The following CEP164 variants were observed in gnomAD, a reference collection of about 807,000 sequenced individuals.
CEP164 encodes centrosomal protein 164, also known as centrosomal protein of 164 kDa.
A neutral mutation model predicts 182.7 loss-of-function variants in CEP164; 162 were observed. That is an observed-to-expected ratio of 0.89 (90% CI 0.78 to 1.01). The LOEUF (loss-of-function observed/expected upper bound fraction) is 1.01. Among genes scored for constraint, CEP164 ranks in the 50% least tolerant of loss-of-function variants. The pLI is 0.00. For missense variants in CEP164, 1,735 were observed against 1,790.4 expected, an observed-to-expected ratio of 0.97 and a Z score of 0.56; for synonymous variants, 661 against 690.0, an observed-to-expected ratio of 0.96 and a Z score of 0.66.
intron 11 of CEP164, among the ~76,000 whole-genome samples, chr11:117,379,071 C>T (rs2043043217): frequency 6.6e-6 from 1 of 152,116 alleles, no homozygotes; most frequent in African/African-American, 2.4e-5. Flanking sequence ...TGGGGGAAGA[C>T]AAGTTGTGAG....
intron 8 of CEP164, among the ~76,000 whole-genome samples, chr11:117,368,388 G>T (rs2041870977): frequency 6.6e-6 from 1 of 152,220 alleles, no homozygotes; most frequent in Non-Finnish European, 1.5e-5. Flanking sequence ...GGTGAGCCAT[G>T]AGAGGCAGGC....
In CEP164 at chr11:117,395,665, TG is replaced by T; in HGVS notation, c.3034del (p.Glu1012SerfsTer32). Reference protein sequence around the residue: ...LDELQARKLKLESQVDLLQAQ... With the variant: ...LDELQARKLKXESQVDLLQAQ... ...GAGCTGCAGGCCCGCAAGCTGAAGC[TG>T]GAGTCCCAAGTGGATCTGCTGCAGG... On this transcript the variant is annotated frameshift_variant, in exon 24 of 33. Transcript: ENST00000278935. LOFTEE classifies it high-confidence loss of function. 6.2e-7 allele frequency: 1 copy of T among 1,613,554 alleles called. No individual in the cohort carries two copies. Among genetic ancestry groups the T allele is most frequent in the South Asian group, 1.1e-5 (1 of 91,046 alleles).
intron 27 of CEP164, among the ~76,000 whole-genome samples, chr11:117,398,349 G>T (rs1346873345): frequency 6.6e-6 from 1 of 152,216 alleles, no homozygotes; most frequent in Non-Finnish European, 1.5e-5. Context: ...GGCTGGCATT[G>T]AGTATCTGCG....
At chr11:117,363,759 CTTTTTTTTTTTT>C (rs72255760) in intron 8 of CEP164, among the ~76,000 whole-genome samples, 870 of 58,464 alleles carry the variant, frequency 0.015, 28 homozygotes, top group African/African-American at 0.06. Flanking sequence ...ACCTCCAATG[CTTTTTTTTTTTT>C]TTTTTTTTTT....
chr11:117,323,687 A>C (rs1021264006), upstream of CEP164, among the ~76,000 whole-genome samples: 1 of 152,120 alleles, frequency 6.6e-6, no homozygotes, highest in Non-Finnish European at 1.5e-5. Context: ...TTCCATGGTG[A>C]TTGTACTAAT....
chr11:117,359,513 C>A, intron 5 of CEP164: 1 of 985,294 alleles, frequency 1.0e-6, no homozygotes, highest in African/African-American at 1.7e-5. Flanking sequence ...AGAAATGGGC[C>A]CTGCTGGGAA....
chr11:117,334,655 G>T (rs761861522), intron 1 of CEP164, among the ~76,000 whole-genome samples: 3 of 151,932 alleles, frequency 2.0e-5, no homozygotes, highest in African/African-American at 7.3e-5. Flanking sequence ...GCATGGTGGG[G>T]GTGCCTGTAA....
Position 117,380,693 on chromosome 11 carries a change from G to T in CEP164, c.1397G>T (p.Gly466Val). 1 of 1,604,558 alleles carries T rather than the reference G, an allele frequency of 6.2e-7. No homozygotes were observed. Among genetic ancestry groups the T allele is most frequent in the South Asian group, 1.1e-5 (1 of 89,006 alleles). Residue 466 changes from glycine to valine, a missense_variant, in exon 12 of 33, where the codon GGC becomes GTC. Physicochemically the swap from Gly to Val is moderately radical, Grantham distance 109. Coordinates refer to ENST00000278935, the MANE Select transcript of CEP164 (RefSeq NM_014956.5). ...GAGCTGCAGAGCAAGCAGTCCAAAG[G>T]CCTGGAGGAGAGGTACCATAGGTGG... Reference protein sequence around the residue: ...QDELQSKQSKGLEERLSPPLP... With the variant: ...QDELQSKQSKVLEERLSPPLP...
intron 14 of CEP164, among the ~76,000 whole-genome samples, chr11:117,383,672 C>A (rs754195204): frequency 1.3e-5 from 2 of 152,118 alleles, no homozygotes; most frequent in East Asian, 3.8e-4. Flanking sequence ...AGTTTTCAGA[C>A]GAGGAAACTG....
chr11:117,408,085 C>G, intron 28 of CEP164, 53 bp downstream of exon 28: 1 of 1,386,674 alleles, frequency 7.2e-7, no homozygotes, highest in East Asian at 2.5e-5. Context: ...CTCTTCTGTT[C>G]TTGGGATTGG....
At chr11:117,352,069 T>A in intron 5 of CEP164, 81 bp downstream of exon 5, 1 of 1,222,374 alleles carries the variant, frequency 8.2e-7, no homozygotes. Context: ...TGTCTGCAGC[T>A]GGGAGGTTGA....
intron 27 of CEP164, among the ~76,000 whole-genome samples, chr11:117,399,719 A>T (rs1054690527): frequency 1.3e-5 from 2 of 152,156 alleles, no homozygotes; most frequent in Non-Finnish European, 2.9e-5. Flanking sequence ...TTTGATTTGC[A>T]GTTCTCTAAT....
At chr11:117,359,286 G>T (rs964942923) in intron 5 of CEP164, among the ~76,000 whole-genome samples, 3 of 152,230 alleles carry the variant, frequency 2.0e-5, no homozygotes, top group Non-Finnish European at 4.4e-5. Flanking sequence ...TTGCTCGTAT[G>T]GGGACTGTGG....
In CEP164 at chr11:117,350,744, A is replaced by G. The variant is rs555372816; in HGVS notation, c.195-1046A>G. On this transcript the variant is annotated intron_variant, in intron 4 of 32. Coordinates refer to ENST00000278935, the MANE Select transcript of CEP164 (RefSeq NM_014956.5). ...CATCTTTACAGACTTGAGTCTTTCT[A>G]TTCTGGAATACTGAATGCCTCTCCA... is the stretch of plus-strand genomic sequence containing the variant. 2.0e-5 allele frequency among the ~76,000 whole-genome samples: 3 copies of G among 152,156 alleles called. No individual in the cohort carries two copies. In the South Asian group the frequency reaches 6.2e-4, roughly 32 times the overall value.
At chr11:117,323,439 T>C (rs2035325357), upstream of CEP164, among the ~76,000 whole-genome samples, 1 of 152,192 alleles carries the variant, frequency 6.6e-6, no homozygotes, top group African/African-American at 2.4e-5. Flanking sequence ...TTTTTTTTTA[T>C]GGCTGAATGT....
chr11:117,378,174 A>G (rs1034750795), intron 11 of CEP164, among the ~76,000 whole-genome samples: 4 of 152,154 alleles, frequency 2.6e-5, no homozygotes, highest in Non-Finnish European at 5.9e-5. Context: ...CGGCAAACAT[A>G]ATACATTTCA....
chr11:117,349,004 G>A, intron 4 of CEP164, among the ~76,000 whole-genome samples: 1 of 152,060 alleles, frequency 6.6e-6, no homozygotes, highest in Non-Finnish European at 1.5e-5. Context: ...TCCATTGCAT[G>A]TATATACAAC....
Position 117,409,631 on chromosome 11 carries a change from G to A in CEP164, c.3762G>A (p.Pro1254=), listed in dbSNP as rs142802684. ...CTTTTCTTTCAGTCGACTCAACCCC[G>A]AGTCTCACCTCCCGCAAGATCCACG... ...WWRQQRIDST[P]SLTSRKIHGL... is the part of the protein sequence containing the mutation. Residue 1254 remains proline, a synonymous_variant, in exon 30 of 33, where the codon CCG becomes CCA. Coordinates refer to ENST00000278935, the MANE Select transcript of CEP164 (RefSeq NM_014956.5). This position sits in a 1 kb window ranked among gnomAD's most constrained non-coding sequence, Gnocchi z 4.4. The A allele has an allele frequency of 6.2e-6, 10 of 1,607,410 alleles. No homozygotes were observed. The highest frequency in any genetic ancestry group is 4.4e-5 in the South Asian group (4 of 90,912).
In CEP164 at chr11:117,375,692, T is replaced by C; in HGVS notation, c.1234-16T>C. On this transcript the variant is annotated splice_polypyrimidine_tract_variant and intron_variant, in intron 10 of 32. Transcript: ENST00000278935. ...GACAGAGGCAGAGTTGACCTTTGCATCTCCACTGTCTCCAGGACTTCGGTT... is the reference window on the plus strand; with the variant it reads ...GACAGAGGCAGAGTTGACCTTTGCACCTCCACTGTCTCCAGGACTTCGGTT... 8 of 1,613,362 alleles carry C rather than the reference T, an allele frequency of 5.0e-6. No homozygotes were observed. Among genetic ancestry groups the C allele is most frequent in the Non-Finnish European group, 6.8e-6 (8 of 1,179,306 alleles).
Sources: gnomAD v4.1 joint callset for allele counts (sites outside exome capture counted in the v4.1 genomes callset) on GRCh38, gnomAD v4.1.1 for gene constraint, Gnocchi (gnomAD v3.1) non-coding constraint, MANE v1.5 for transcripts, NCBI Gene and HGNC (gene_info 2026-07-23, HGNC 2026-07-21) for gene names.